The following NXN variants were observed in gnomAD, a reference collection of about 807,000 sequenced individuals.
The protein encoded by NXN is nucleoredoxin.
Under a neutral mutation model 48.6 loss-of-function variants are expected in NXN, and 16 were observed. The ratio of observed to expected loss-of-function variants is 0.33; its 90% CI spans 0.22 to 0.50. NXN has a LOEUF of 0.50. NXN is among the 20% of genes least tolerant of loss of function. NXN has a pLI of 0.98. For missense variants in NXN, 492 were observed against 605.5 expected (o/e 0.81, Z 1.97); for synonymous variants, 281 against 269.6 (o/e 1.04, Z -0.41).
intron 1 of NXN, among the ~76,000 whole-genome samples, chr17:960,768 A>C (rs1160529201): frequency 6.8e-6 from 1 of 147,682 alleles, no homozygotes; most frequent in African/African-American, 2.5e-5. Flanking sequence ...GTGAGCCACC[A>C]CGCCTGGCCA....
At chr17:841,533 G>GCCGGC (rs2144711656) in intron 1 of NXN, among the ~76,000 whole-genome samples, 1 of 19,736 alleles carries the variant, frequency 5.1e-5, no homozygotes, top group East Asian at 1.1e-3. Flanking sequence ...CCCCGACCAT[G>GCCGGC]GAGCATCTCA....
At chr17:970,993 C>G (rs1236345627) in intron 1 of NXN, among the ~76,000 whole-genome samples, 1 of 146,520 alleles carries the variant, frequency 6.8e-6, no homozygotes, top group Non-Finnish European at 1.5e-5. Flanking sequence ...ATTCCCCAGG[C>G]TGGAGTACAG....
intron 1 of NXN, among the ~76,000 whole-genome samples, chr17:853,723 A>ATATATATATATATATATATATATATATTT (rs1491528474): frequency 9.4e-6 from 1 of 106,000 alleles, no homozygotes; most frequent in African/African-American, 4.3e-5. Flanking sequence ...ATATATATAT[A>ATATATATATATATATATATATATATATTT]TTTTTTTTTT....
chr17:848,912 C>T (rs1284332551), intron 1 of NXN, among the ~76,000 whole-genome samples: 1 of 152,168 alleles, frequency 6.6e-6, no homozygotes, highest in South Asian at 2.1e-4. Flanking sequence ...CTCAGCAGGA[C>T]GTCGGCTCCA....
At chr17:897,510 G>A (rs952818363) in intron 1 of NXN, among the ~76,000 whole-genome samples, 1 of 152,122 alleles carries the variant, frequency 6.6e-6, no homozygotes, top group Non-Finnish European at 1.5e-5. Flanking sequence ...AATGCCGGGC[G>A]GCCTCATTCA....
chr17:871,846 G>A (rs536995906), intron 1 of NXN, among the ~76,000 whole-genome samples: 2 of 152,176 alleles, frequency 1.3e-5, no homozygotes, highest in South Asian at 4.1e-4. Flanking sequence ...CTTGCAAAAT[G>A]CTTTTATGAA....
chr17:908,269 C>T (rs11652877), intron 1 of NXN, among the ~76,000 whole-genome samples: 10 of 151,932 alleles, frequency 6.6e-5, no homozygotes, highest in East Asian at 1.9e-4. Context: ...CGGGCACGGT[C>T]GTTCACGCCT....
chr17:851,032 G>A (rs1039957433), intron 1 of NXN, among the ~76,000 whole-genome samples: 1 of 152,252 alleles, frequency 6.6e-6, no homozygotes, highest in Non-Finnish European at 1.5e-5. Flanking sequence ...CTTCGGAACA[G>A]AAACCACACA....
chr17:925,035 G>A (rs757688581), intron 1 of NXN, among the ~76,000 whole-genome samples: 2 of 152,230 alleles, frequency 1.3e-5, no homozygotes, highest in African/African-American at 4.8e-5. Context: ...AGCAGCCGGC[G>A]GATTCAGGTG....
chr17:827,882 A>C (rs1429101706), intron 1 of NXN, among the ~76,000 whole-genome samples: 4 of 152,158 alleles, frequency 2.6e-5, no homozygotes, highest in Non-Finnish European at 5.9e-5. Context: ...CCCGAGTTCC[A>C]TCCGAAGCGG....
intron 1 of NXN, among the ~76,000 whole-genome samples, chr17:885,234 C>G (rs943690295): frequency 1.1e-4 from 17 of 152,112 alleles, no homozygotes; most frequent in African/African-American, 4.1e-4. Context: ...GAGGCCGAGA[C>G]GGGCGGATCA....
At chr17:921,646 T>C (rs1037091554) in intron 1 of NXN, among the ~76,000 whole-genome samples, 1 of 151,298 alleles carries the variant, frequency 6.6e-6, no homozygotes, top group Non-Finnish European at 1.5e-5. Context: ...TCACTGCCCC[T>C]GGACAACACC....
At chr17:837,766 C>T (rs893064193) in intron 1 of NXN, among the ~76,000 whole-genome samples, 1 of 152,202 alleles carries the variant, frequency 6.6e-6, no homozygotes, top group East Asian at 1.9e-4. Context: ...CAGACCAGCC[C>T]GTGTGACCAA....
At chr17:842,164 CCCTTCCAATTAAACCTGCTCGACAT>C (rs1490097970) in intron 1 of NXN, among the ~76,000 whole-genome samples, 16 of 152,082 alleles carry the variant, frequency 1.1e-4, no homozygotes, top group Non-Finnish European at 7.4e-5. Flanking sequence ...CTGCTCGACA[CCCTTCCAATTAAACCTGCTCGACAT>C]CCTTCCAGTT....
At position 805,191 on chromosome 17, in the gene NXN, G is replaced by A; in HGVS notation, c.877C>T (p.Arg293Trp). The A allele has an allele frequency of 3.1e-6, 5 of 1,610,962 alleles. No individual in the cohort carries two copies. Among genetic ancestry groups the A allele is most frequent in the South Asian group, 1.1e-5 (1 of 90,536 alleles). ...PQGEVITRQG[R>W]VEVLNDEDCR... The stretch of plus-strand genomic sequence containing the variant: ...TCCTCGTCGTTCAGCACCTCCACCC[G>A]CCCCTGCCGCGTGATCACCTCGCCC... Residue 293 changes from arginine (R) to tryptophan (W), a missense_variant, in exon 6 of 8, where the codon CGG (arginine) becomes TGG (tryptophan). Arg to Trp is a moderately radical substitution (Grantham distance 101, BLOSUM62 -3). Coordinates refer to ENST00000336868, the MANE Select transcript of NXN (RefSeq NM_022463.5).
intron 5 of NXN, among the ~76,000 whole-genome samples, chr17:818,757 C>A (rs558116064): frequency 6.6e-6 from 1 of 151,698 alleles, no homozygotes; most frequent in Non-Finnish European, 1.5e-5. Context: ...GTGTGGTGGG[C>A]GCCTGTAGTC....
rs1385632722 is a variant in NXN at position 830,886 on chromosome 17, G to C, written c.361-4808C>G. ...ATGGTGGCAGGCACCTGTAATCCCA[G>C]CTACTCAGAGGGCTGAGGCAGGAGA... On this transcript the variant is annotated intron_variant, in intron 1 of 7. Coordinates refer to ENST00000336868, the MANE Select transcript of NXN (RefSeq NM_022463.5). This position sits in a 1 kb window ranked among gnomAD's most constrained non-coding sequence, Gnocchi z 4.2. 6.6e-6 allele frequency among the ~76,000 whole-genome samples: 1 copy of C among 151,922 alleles called. No individual in the cohort carries two copies. The highest frequency in any genetic ancestry group is 2.1e-4 in the South Asian group (1 of 4,812).
intron 1 of NXN, among the ~76,000 whole-genome samples, chr17:936,868 A>G (rs576699363): frequency 6.6e-6 from 1 of 151,960 alleles, no homozygotes; most frequent in Admixed American, 6.6e-5. Context: ...GTTCCAGAAA[A>G]GGCAGGCCTG....
At position 808,512 on chromosome 17, in the gene NXN, C is replaced by G. The variant is rs186474060; in HGVS notation, c.821-3265G>C. 1.6e-4 allele frequency among the ~76,000 whole-genome samples: 25 copies of G among 152,116 alleles called. 1 individual carries two copies. The highest frequency in any genetic ancestry group is 6.0e-4 in the African/African-American group (25 of 41,490). On this transcript the variant is annotated intron_variant, in intron 5 of 7. Coordinates refer to ENST00000336868, the MANE Select transcript of NXN (RefSeq NM_022463.5). Reference sequence around the variant, plus strand: ...GTTTCCCCATGTTGGCCAGGATGGTCTCGAACTCCCGACCTCAGGTGATCC... The same window carrying G: ...GTTTCCCCATGTTGGCCAGGATGGTGTCGAACTCCCGACCTCAGGTGATCC...
Sources: gnomAD v4.1 joint callset for allele counts (sites outside exome capture counted in the v4.1 genomes callset) on GRCh38, gnomAD v4.1.1 for gene constraint, Gnocchi (gnomAD v3.1) non-coding constraint, MANE v1.5 for transcripts, NCBI Gene and HGNC (gene_info 2026-07-23, HGNC 2026-07-21) for gene names.